The following ESRRG variants were observed in gnomAD, a reference collection of about 807,000 sequenced individuals.
ESRRG encodes estrogen related receptor gamma.
ESRRG carries 13 observed loss-of-function variants against 44.0 expected under a neutral mutation model. That is an observed-to-expected ratio of 0.30 (90% CI 0.19 to 0.47). The LOEUF is 0.47. Among genes scored for constraint, ESRRG ranks in the 20% least tolerant of loss-of-function variants. The pLI is 1.00. For synonymous variants in ESRRG, 215 were observed against 214.6 expected (o/e 1.00, Z -0.02); for missense variants, 395 against 580.6 (o/e 0.68, Z 3.29).
At chr1:217,090,852 A>G (rs780970238), upstream of ESRRG, among the ~76,000 whole-genome samples, 4 of 152,182 alleles carry the variant, frequency 2.6e-5, no homozygotes, top group Non-Finnish European at 5.9e-5. Flanking sequence ...TATGCACTGT[A>G]TCTGTTATTT....
intron 1 of ESRRG, among the ~76,000 whole-genome samples, chr1:216,687,530 C>T (rs1241498690): frequency 6.6e-6 from 1 of 152,096 alleles, no homozygotes; most frequent in Non-Finnish European, 1.5e-5. Flanking sequence ...GCCCAAATGC[C>T]ACGTGGATTT....
chr1:216,567,217 G>A (rs887542568), intron 4 of ESRRG, among the ~76,000 whole-genome samples: 1 of 152,142 alleles, frequency 6.6e-6, no homozygotes, highest in African/African-American at 2.4e-5. Flanking sequence ...ATCCTAAAAC[G>A]CTAGTTCTGT....
chr1:217,105,643 T>A (rs888684151), intron 1 of ESRRG, among the ~76,000 whole-genome samples: 3 of 152,180 alleles, frequency 2.0e-5, no homozygotes, highest in Non-Finnish European at 2.9e-5. Context: ...CCGATGCTGA[T>A]GCTGACTCCT....
At chr1:216,594,580 C>G (rs566388520) in intron 3 of ESRRG, among the ~76,000 whole-genome samples, 1 of 152,230 alleles carries the variant, frequency 6.6e-6, no homozygotes, top group Admixed American at 6.5e-5. Context: ...CTAGAACCAG[C>G]TAGTGAAATC....
intron 5 of ESRRG, among the ~76,000 whole-genome samples, chr1:216,524,938 T>C (rs1221355962): frequency 6.6e-6 from 1 of 152,176 alleles, no homozygotes; most frequent in Non-Finnish European, 1.5e-5. Context: ...CACTGTTAAC[T>C]GAATTTACAG....
intron 2 of ESRRG, among the ~76,000 whole-genome samples, chr1:216,867,480 G>A (rs528275395): frequency 8.5e-5 from 13 of 152,216 alleles, no homozygotes; most frequent in South Asian, 8.3e-4. Flanking sequence ...ACAAATTTGC[G>A]TAGGGGATAT....
Position 216,760,433 on chromosome 1 carries a change from G to A in ESRRG, c.-13-82942C>T, listed in dbSNP as rs564759107. Among the ~76,000 whole-genome samples, 11 of 151,800 alleles carry A rather than the reference G, an allele frequency of 7.2e-5. No individual in the cohort carries two copies. In the East Asian group the frequency reaches 7.8e-4, roughly 11 times the overall value. On this transcript the variant is annotated intron_variant, in intron 2 of 7. Coordinates refer to the ESRRG transcript ENST00000359162. Reference sequence around the variant, plus strand: ...ACTGATATCCATGGCCTGAGATTTTGCTCTTTTAAAATCCAAATTGAAAAC... The same window carrying A: ...ACTGATATCCATGGCCTGAGATTTTACTCTTTTAAAATCCAAATTGAAAAC...
chr1:216,723,408 C>G lies in ESRRG; in HGVS notation c.-109G>C. ...TCTCCTAGTGACAAGCCTATAGGCA[C>G]AGCCAGTTGGGACCAAAGCTCTCAC... On this transcript the variant is annotated 5_prime_UTR_variant, in exon 1 of 7. Transcript: ENST00000408911. 2 of 1,012,218 alleles carry G rather than the reference C, an allele frequency of 2.0e-6. No homozygotes were observed. The highest frequency in any genetic ancestry group is 3.1e-6 in the Non-Finnish European group (2 of 644,700). The allele number at this position is 1,012,218 out of a possible 1,614,324, so 62.7% of individuals were successfully genotyped here.
chr1:217,118,263 T>C (rs1460419096), intron 1 of ESRRG, among the ~76,000 whole-genome samples: 4 of 152,230 alleles, frequency 2.6e-5, no homozygotes, highest in African/African-American at 9.6e-5. Flanking sequence ...CCTGGGCTCT[T>C]AACCACTCTA....
chr1:216,796,682 C>G (rs904564316), intron 2 of ESRRG, among the ~76,000 whole-genome samples: 1 of 152,042 alleles, frequency 6.6e-6, no homozygotes, highest in South Asian at 2.1e-4. Flanking sequence ...TCCTGAGGAA[C>G]CTTATCTTCC....
At chr1:216,712,148 T>C (rs1036314123) in intron 1 of ESRRG, among the ~76,000 whole-genome samples, 1 of 152,224 alleles carries the variant, frequency 6.6e-6, no homozygotes, top group Non-Finnish European at 1.5e-5. Flanking sequence ...TATTAAAGTC[T>C]TGGGTACATA....
intron 3 of ESRRG, among the ~76,000 whole-genome samples, chr1:216,611,074 G>A (rs549009906): frequency 6.6e-6 from 1 of 151,890 alleles, no homozygotes. Flanking sequence ...GTAGTGGCAG[G>A]TGCCTGTAAT....
In ESRRG at chr1:217,087,593, G is replaced by A. The variant is rs546596281; in HGVS notation, c.-106+1914C>T. ...CGGTAAAGAAGACCAGCAGGTTTCA[G>A]TATATACCATGCACGAGGACTTTGA... On this transcript the variant is annotated intron_variant, in intron 1 of 7. Coordinates refer to the ESRRG transcript ENST00000359162. Among the ~76,000 whole-genome samples, 6 of 152,308 alleles carry A rather than the reference G, an allele frequency of 3.9e-5. No homozygotes were observed. In the South Asian group the frequency reaches 1.2e-3, roughly 32 times the overall value.
At chr1:216,568,429 C>T (rs1453064040) in intron 3 of ESRRG, among the ~76,000 whole-genome samples, 1 of 152,176 alleles carries the variant, frequency 6.6e-6, no homozygotes, top group Admixed American at 6.5e-5. Flanking sequence ...AAATTAAAGA[C>T]CCTGGCATTT....
chr1:216,638,669 T>C (rs1264555292), intron 3 of ESRRG, among the ~76,000 whole-genome samples: 5 of 152,244 alleles, frequency 3.3e-5, no homozygotes, highest in African/African-American at 7.2e-5. Context: ...TTTAGGCTTA[T>C]GAAGGATCAT....
chr1:216,558,457 T>A (rs1021793596), intron 5 of ESRRG, among the ~76,000 whole-genome samples: 2 of 152,166 alleles, frequency 1.3e-5, no homozygotes, highest in African/African-American at 4.8e-5. Context: ...CCCTCTCTAT[T>A]AAAATTGATG....
upstream of ESRRG, among the ~76,000 whole-genome samples, chr1:216,725,622 C>G (rs1363449155): frequency 6.6e-6 from 1 of 152,022 alleles, no homozygotes; most frequent in African/African-American, 2.4e-5. Flanking sequence ...TGATTACTAT[C>G]GTGATTTCTG....
chr1:216,752,801 A>G (rs887874003), intron 2 of ESRRG, among the ~76,000 whole-genome samples: 6 of 152,122 alleles, frequency 3.9e-5, no homozygotes, highest in Admixed American at 1.3e-4. Context: ...GTCTTGGGCC[A>G]GTTAGTTAAC....
At chr1:216,654,629 CA>C (rs35748361) in intron 2 of ESRRG, among the ~76,000 whole-genome samples, 27,646 of 94,182 alleles carry the variant, frequency 0.29, 2,661 homozygotes, top group Middle Eastern at 0.37. Flanking sequence ...AACTCTGTTT[CA>C]AAAAAAAAAA....
Sources: gnomAD v4.1 joint callset for allele counts (sites outside exome capture counted in the v4.1 genomes callset) on GRCh38, gnomAD v4.1.1 for gene constraint, MANE v1.5 for transcripts, NCBI Gene and HGNC (gene_info 2026-07-23, HGNC 2026-07-21) for gene names.